The following LONRF1 variants were observed in gnomAD, a reference collection of about 807,000 sequenced individuals.
LONRF1 encodes LON peptidase N-terminal domain and ring finger 1.
LONRF1 carries 37 observed loss-of-function variants against 85.8 expected under a neutral mutation model. The observed-to-expected ratio is 0.43, with a 90% CI of 0.33 to 0.57. LONRF1 has a LOEUF of 0.57. LONRF1 is among the 20% of genes least tolerant of loss of function. LONRF1 has a pLI of 0.04. For missense variants in LONRF1, 1,036 were observed against 978.0 expected, an observed-to-expected ratio of 1.06 and a Z score of -0.79; for synonymous variants, 517 against 390.1, an observed-to-expected ratio of 1.33 and a Z score of -3.83.
At chr8:12,725,573 C>T (rs1798264762) in intron 11 of LONRF1, among the ~76,000 whole-genome samples, 154 bp downstream of exon 11, 1 of 152,116 alleles carries the variant, frequency 6.6e-6, no homozygotes, top group Non-Finnish European at 1.5e-5. Flanking sequence ...CTCTAGAGAA[C>T]TCATGATTGC....
chr8:12,744,136 A>T (rs1249765767), intron 1 of LONRF1, among the ~76,000 whole-genome samples: 2 of 152,214 alleles, frequency 1.3e-5, no homozygotes, highest in African/African-American at 4.8e-5. Flanking sequence ...AGATCTTTAA[A>T]AGCATAAAGT....
In LONRF1 at chr8:12,737,023, C is replaced by T. The variant is rs1203908784; in HGVS notation, c.1231G>A (p.Val411Met). The change falls in exon 5 of 12, where the codon GTG becomes ATG. Residue 411 changes from valine to methionine, a missense_variant. Physicochemically the swap from Val to Met is conservative, Grantham distance 21. This residue lies in a region of LONRF1 where 742 missense variants were observed against 614.4 expected (regional missense o/e 1.21). Coordinates refer to ENST00000398246, the MANE Select transcript of LONRF1 (RefSeq NM_152271.5). ...MPAREDCLKR[V>M]SSEPVLSVQE... is the part of the protein sequence containing the mutation. ...ACTGACAGAACAGGTTCTGAGGACA[C>T]TCTTTTTAAACAGTCCTCTCTGGCA... The T allele has an allele frequency of 6.2e-7, 1 of 1,613,652 alleles. No homozygotes were observed. The highest frequency in any genetic ancestry group is 1.7e-5 in the Admixed American group (1 of 59,976).
At chr8:12,730,239 A>C (rs183475801) in intron 8 of LONRF1, among the ~76,000 whole-genome samples, 1 of 152,354 alleles carries the variant, frequency 6.6e-6, no homozygotes, top group East Asian at 1.9e-4. Context: ...TGCTTATATT[A>C]ATGAGAGGAG....
intron 11 of LONRF1, among the ~76,000 whole-genome samples, 165 bp from the exon 12 acceptor site, chr8:12,723,419 G>A (rs750323143): frequency 1.3e-5 from 2 of 152,216 alleles, no homozygotes; most frequent in Non-Finnish European, 2.9e-5. Flanking sequence ...AGAAACTGAA[G>A]CTCAGCAATG....
intron 4 of LONRF1, 117 bp from the exon 5 acceptor site, chr8:12,737,257 T>C (rs1172848776): frequency 4.1e-6 from 5 of 1,216,846 alleles, no homozygotes; most frequent in Admixed American, 1.8e-5. Flanking sequence ...TTAATGTTCA[T>C]TTAATAGCAC....
chr8:12,738,079 T>A lies in LONRF1; in HGVS notation c.1029A>T (p.Ser343=). ...AAGGTCTGTTTTTAGTACATGGTAA[T>A]GAACTCCAGGAAGATTCCTTCAGGC... ...KEGLKESSWS[S]LPCTKNRPFD... Residue 343 remains serine, a synonymous_variant, in exon 4 of 12, where the codon TCA becomes TCT. Transcript: ENST00000398246. 6.2e-7 allele frequency: 1 copy of A among 1,609,910 alleles called. No individual in the cohort carries two copies. Among genetic ancestry groups the A allele is most frequent in the Non-Finnish European group, 8.5e-7 (1 of 1,177,910 alleles).
chr8:12,738,846 G>A (rs1798821730), intron 3 of LONRF1: 1 of 152,122 alleles, frequency 6.6e-6, no homozygotes, highest in South Asian at 2.1e-4. Flanking sequence ...ATTTTTGGTG[G>A]TCAAACAATC....
chr8:12,754,923 G>T lies in LONRF1; in HGVS notation c.498C>A (p.Thr166=), dbSNP rs1255907976. 6.7e-7 allele frequency: 1 copy of T among 1,490,402 alleles called. No homozygotes were observed. The highest frequency in any genetic ancestry group is 2.8e-5 in the East Asian group (1 of 35,124). 92.3% of individuals were successfully genotyped at this position (1,490,402 alleles called of 1,614,324 possible). A position where few individuals can be genotyped will look rare whatever the true frequency, so the allele number is the denominator to read the frequency against. The change falls in exon 1 of 12, where the codon ACC becomes ACA. Residue 166 remains threonine (T), a synonymous_variant. Coordinates refer to ENST00000398246, the MANE Select transcript of LONRF1 (RefSeq NM_152271.5). ...TCCCTTCAGCATCAGTGGCACTGGCGGTGGCGGGCGGCAGCCGGTCCCGGC... is the reference window on the plus strand; with the variant it reads ...TCCCTTCAGCATCAGTGGCACTGGCTGTGGCGGGCGGCAGCCGGTCCCGGC... ...RLCRDRLPPA[T]ASATDAEGTA... is the part of the protein sequence containing the mutation.
Position 12,741,090 on chromosome 8 carries a change from G to A in LONRF1, c.841-94C>T, listed in dbSNP as rs535646941. 7 of 1,455,768 alleles carry A rather than the reference G, an allele frequency of 4.8e-6. No individual in the cohort carries two copies. In the South Asian group the frequency reaches 7.4e-5, roughly 15 times the overall value. The allele number at this position is 1,455,768 out of a possible 1,614,324, so 90.2% of individuals were successfully genotyped here. A position where few individuals can be genotyped will look rare whatever the true frequency, so the allele number is the denominator to read the frequency against. On this transcript the variant is annotated intron_variant, in intron 2 of 11. Transcript: ENST00000398246. ...AAGAAAAACAATAGTCTGCTCAGCA[G>A]TGCCGATTCTGGGCCGGGTGCAGTA...
In LONRF1 at chr8:12,739,341, CAA is replaced by C. The variant is rs35823658; in HGVS notation, c.964-1199_964-1198del. On this transcript the variant is annotated intron_variant, in intron 3 of 11. Coordinates refer to ENST00000398246, the MANE Select transcript of LONRF1 (RefSeq NM_152271.5). ...AGATGTATCTAAAAAATATGTTCAG[CAA>C]AAAAAAAAAAAAAAAACAAACCCAG... is the stretch of plus-strand genomic sequence containing the variant. Among the ~76,000 whole-genome samples, 367 of 106,080 alleles carry C rather than the reference CAA, an allele frequency of 3.5e-3. 2 individuals are homozygous for C. Among genetic ancestry groups the C allele is most frequent in the Middle Eastern group, 5.4e-3 (1 of 184 alleles). 69.6% of individuals were successfully genotyped at this position (106,080 alleles called of 152,430 possible).
At chr8:12,741,345 A>T (rs542570574) in intron 2 of LONRF1, among the ~76,000 whole-genome samples, 1 of 152,164 alleles carries the variant, frequency 6.6e-6, no homozygotes, top group Non-Finnish European at 1.5e-5. Context: ...GATCACACCA[A>T]TGCACTCCAG....
intron 1 of LONRF1, among the ~76,000 whole-genome samples, chr8:12,746,542 T>C (rs7832448): frequency 0.85 from 129,681 of 152,236 alleles, 55,532 homozygotes; most frequent in East Asian, 0.94. Flanking sequence ...ACTAAGAGCA[T>C]GATCTGGCTC....
At chr8:12,748,397 A>G (rs1006577136) in intron 1 of LONRF1, among the ~76,000 whole-genome samples, 1 of 108,426 alleles carries the variant, frequency 9.2e-6, no homozygotes, top group African/African-American at 2.7e-5. Context: ...CGGTACCACT[A>G]TGTTGCCCAG....
chr8:12,753,879 G>C (rs534075181), intron 1 of LONRF1: 6 of 152,148 alleles, frequency 3.9e-5, no homozygotes, highest in African/African-American at 1.4e-4. Context: ...GCGTGGCAGA[G>C]AACTATGGAT....
chr8:12,737,012 T>C lies in LONRF1; in HGVS notation c.1242A>G (p.Glu414=), dbSNP rs767465424. ...REDCLKRVSS[E]PVLSVQEKGV... ...CTTTTTCTTGAACTGACAGAACAGG[T>C]TCTGAGGACACTCTTTTTAAACAGT... Residue 414 remains glutamate (E), a synonymous_variant, in exon 5 of 12, where the codon GAA becomes GAG. Coordinates refer to ENST00000398246, the MANE Select transcript of LONRF1 (RefSeq NM_152271.5). 6.2e-7 allele frequency: 1 copy of C among 1,613,646 alleles called. No individual in the cohort carries two copies. Among genetic ancestry groups the C allele is most frequent in the Admixed American group, 1.7e-5 (1 of 59,960 alleles).
Position 12,740,982 on chromosome 8 carries a change from T to G in LONRF1, c.855A>C (p.Lys285Asn). ...LPDWPEVYFR[K>N]GKVLCDAGFL... is the part of the protein sequence containing the mutation. ...AACCAGCATCGCAGAGTACTTTTCCTTTCCTGAAGTAGACCTTTAATAAAA... is the reference window on the plus strand; with the variant it reads ...AACCAGCATCGCAGAGTACTTTTCCGTTCCTGAAGTAGACCTTTAATAAAA... Residue 285 changes from lysine (K) to asparagine (N), a missense_variant, in exon 3 of 12, where the codon AAA becomes AAC. Coordinates refer to ENST00000398246, the MANE Select transcript of LONRF1 (RefSeq NM_152271.5). 1 of 1,613,366 alleles carries G rather than the reference T, an allele frequency of 6.2e-7. No homozygotes were observed. Among genetic ancestry groups the G allele is most frequent in the Non-Finnish European group, 8.5e-7 (1 of 1,179,486 alleles).
intron 8 of LONRF1, 38 bp from the exon 9 acceptor site, chr8:12,729,370 A>C: frequency 6.3e-7 from 1 of 1,594,822 alleles, no homozygotes; most frequent in Non-Finnish European, 8.6e-7. Context: ...AATTCATACA[A>C]GAAAAATATT....
chr8:12,746,204 C>A (rs1180579731), intron 1 of LONRF1, among the ~76,000 whole-genome samples: 1 of 152,118 alleles, frequency 6.6e-6, no homozygotes, highest in Non-Finnish European at 1.5e-5. Flanking sequence ...GATCTCCCTG[C>A]CTTCAGTTCT....
intron 8 of LONRF1, among the ~76,000 whole-genome samples, chr8:12,730,736 T>G (rs546991202): frequency 6.6e-6 from 1 of 152,336 alleles, no homozygotes; most frequent in South Asian, 2.1e-4. Flanking sequence ...ATCAATTCTG[T>G]GAGAAGACAA....
Sources: gnomAD v4.1 joint callset for allele counts (sites outside exome capture counted in the v4.1 genomes callset) on GRCh38, gnomAD v4.1.1 for gene constraint, gnomAD v4.1.1 regional missense constraint, MANE v1.5 for transcripts, NCBI Gene and HGNC (gene_info 2026-07-23, HGNC 2026-07-21) for gene names.